HERC2: variants seen among roughly 807,000 people sequenced by gnomAD.
HERC2 encodes HECT and RLD domain containing E3 ubiquitin protein ligase 2, also known as E3 ubiquitin-protein ligase HERC2.
A neutral mutation model predicts 537.7 loss-of-function variants in HERC2; 102 were observed. That is an observed-to-expected ratio of 0.19 (90% confidence interval 0.16 to 0.22). HERC2 has a LOEUF of 0.22. HERC2 is among the 10% of genes least tolerant of loss of function. The pLI is 1.00. For synonymous variants in HERC2, 2,224 were observed against 2,466.2 expected (o/e 0.90, Z 2.91); for missense variants, 4,236 against 6,198.2 (o/e 0.68, Z 10.63).
In HERC2 at chr15:28,112,058, G is replaced by A. The variant is rs1321349802; in HGVS notation, c.14233-23C>T. ...CACCTGTTGAGCAGAAACATGAAGT[G>A]ATTAGAAATTGAGTACGGCTGCAGT... On this transcript the variant is annotated intron_variant, in intron 92 of 92. Transcript: ENST00000261609. 53 of 1,608,268 alleles carry A rather than the reference G, an allele frequency of 3.3e-5. No individual in the cohort carries two copies. The Admixed American group carries it at 7.0e-4, about 21-fold the overall frequency.
At chr15:28,245,438 T>G (rs1903561748) in intron 23 of HERC2, among the ~76,000 whole-genome samples, 2 of 151,574 alleles carry the variant, frequency 1.3e-5, no homozygotes, top group Non-Finnish European at 2.9e-5. Flanking sequence ...TGCCAGCTAC[T>G]CAGGAGGCTG....
In HERC2 at chr15:28,122,694, C is replaced by T. The variant is rs965247438; in HGVS notation, c.13189-1265G>A. ...AGTAGTAACACCCACTCTCTGAGGC[C>T]GATCCTCACCATAACCAGGACCAGA... is the stretch of plus-strand genomic sequence containing the variant. On this transcript the variant is annotated intron_variant, in intron 85 of 92. Transcript: ENST00000261609. The surrounding 1 kb of genome is among the most constrained non-coding windows in gnomAD (Gnocchi z 4.1). Among the ~76,000 whole-genome samples the T allele has an allele frequency of 3.9e-5, 6 of 152,244 alleles. No homozygotes were observed. Among genetic ancestry groups the T allele is most frequent in the African/African-American group, 1.2e-4 (5 of 41,546 alleles).
chr15:28,212,886 T>C, intron 42 of HERC2: 1 of 572,666 alleles, frequency 1.7e-6, no homozygotes, highest in Non-Finnish European at 2.2e-6. Context: ...CGTGTATATA[T>C]TCCTATAATA....
At chr15:28,198,320 G>A (rs1897548520) in intron 50 of HERC2, 58 bp downstream of exon 50, 5 of 1,557,012 alleles carry the variant, frequency 3.2e-6, no homozygotes, top group Middle Eastern at 2.3e-4. Flanking sequence ...GAAATACTAA[G>A]TACACATGCG....
chr15:28,137,722 T>C (rs1890793919), intron 78 of HERC2, among the ~76,000 whole-genome samples: 2 of 152,168 alleles, frequency 1.3e-5, no homozygotes, highest in Admixed American at 1.3e-4. Flanking sequence ...GAGACACAAC[T>C]TATTGAAATA....
intron 2 of HERC2, among the ~76,000 whole-genome samples, chr15:28,309,239 G>C (rs1325379615): frequency 1.3e-5 from 2 of 152,218 alleles, no homozygotes; most frequent in Non-Finnish European, 2.9e-5. Context: ...GATCTGATCT[G>C]TCCAATGCTG....
intron 74 of HERC2, 82 bp from the exon 75 acceptor site, chr15:28,143,034 T>TTATTA: frequency 7.1e-7 from 1 of 1,404,368 alleles, no homozygotes; most frequent in Non-Finnish European, 9.8e-7. Context: ...GTCAAATGTT[T>TTATTA]TATTATGTTG....
In HERC2 at chr15:28,215,892, A is replaced by G. The variant is rs544978978; in HGVS notation, c.6029-90T>C. ...CCTTATTTTTTTATCAACTTATTTT[A>G]TTTTTCTAAAATAAGCTCCTTTACA... On this transcript the variant is annotated intron_variant, in intron 38 of 92. Transcript: ENST00000261609. 377 of 953,116 alleles carry G rather than the reference A, an allele frequency of 4.0e-4. 1 individual carries two copies. The highest frequency in any genetic ancestry group is 7.7e-4 in the Admixed American group (26 of 33,960). The allele number at this position is 953,116 out of a possible 1,614,324, so 59.0% of individuals were successfully genotyped here.
chr15:28,313,241 T>C (rs1876123143), intron 2 of HERC2, among the ~76,000 whole-genome samples: 1 of 149,634 alleles, frequency 6.7e-6, no homozygotes, highest in South Asian at 2.1e-4. Context: ...TCGCCCAGGC[T>C]GGAGTGCAGT....
At chr15:28,178,032 T>C (rs1276498052) in intron 59 of HERC2, among the ~76,000 whole-genome samples, 1 of 152,224 alleles carries the variant, frequency 6.6e-6, no homozygotes, top group Non-Finnish European at 1.5e-5. Context: ...TGACCACTCC[T>C]ATACAGTGAG....
intron 44 of HERC2, among the ~76,000 whole-genome samples, chr15:28,207,283 C>T (rs113579135): frequency 7.2e-5 from 11 of 152,138 alleles, no homozygotes; most frequent in Admixed American, 1.3e-4. Flanking sequence ...TACAGGCACA[C>T]GCCACCACGC....
chr15:28,320,995 T>C (rs1370073061), intron 2 of HERC2, among the ~76,000 whole-genome samples: 1 of 151,718 alleles, frequency 6.6e-6, no homozygotes, highest in Non-Finnish European at 1.5e-5. Context: ...AACTTACTTC[T>C]CCAATTTTCC....
At position 28,121,409 on chromosome 15, in the gene HERC2, T is replaced by C; in HGVS notation, c.13209A>G (p.Val4403=). The C allele has an allele frequency of 6.2e-7, 1 of 1,614,230 alleles. No homozygotes were observed. The highest frequency in any genetic ancestry group is 1.1e-5 in the South Asian group (1 of 91,092). ...SQGKEAAFRK[V]VQATMVRDRQ... is the part of the protein sequence containing the mutation. Reference sequence around the variant, plus strand: ...GATCGCGTACCATAGTTGCTTGTACTACTTTCCGGAAAGCCGCCTCCTAAA... The same window carrying C: ...GATCGCGTACCATAGTTGCTTGTACCACTTTCCGGAAAGCCGCCTCCTAAA... The change falls in exon 86 of 93, where the codon GTA becomes GTG. Residue 4403 remains valine, a synonymous_variant. Coordinates refer to ENST00000261609, the MANE Select transcript of HERC2 (RefSeq NM_004667.6).
chr15:28,201,789 T>C (rs1567005619), intron 47 of HERC2, among the ~76,000 whole-genome samples: 1 of 152,246 alleles, frequency 6.6e-6, no homozygotes, highest in Non-Finnish European at 1.5e-5. Flanking sequence ...ATCCTACGAA[T>C]AATTTACTCA....
intron 79 of HERC2, 68 bp from the exon 80 acceptor site, chr15:28,132,898 T>A: frequency 8.1e-7 from 1 of 1,230,742 alleles, no homozygotes; most frequent in Non-Finnish European, 1.1e-6. Context: ...GTGTATTAAA[T>A]ACCTCTCAAT....
In HERC2 at chr15:28,268,246, CAAG is replaced by C. The variant is rs1353771337; in HGVS notation, c.1598+216_1598+218del. On this transcript the variant is annotated intron_variant, in intron 12 of 92. Coordinates refer to ENST00000261609, the MANE Select transcript of HERC2 (RefSeq NM_004667.6). The surrounding 1 kb of genome is among the most constrained non-coding windows in gnomAD (Gnocchi z 4.7). ...AAGGCTGGCCAAGGCTGCACGGGGT[CAAG>C]AAGAACAGAAAGGCCAATTCCCGTT... is the stretch of plus-strand genomic sequence containing the variant. Among the ~76,000 whole-genome samples, 1 of 152,110 alleles carries C rather than the reference CAAG, an allele frequency of 6.6e-6. No homozygotes were observed. The highest frequency in any genetic ancestry group is 2.4e-5 in the African/African-American group (1 of 41,396).
chr15:28,173,386 TA>T (rs1156793854), intron 65 of HERC2, among the ~76,000 whole-genome samples: 5 of 152,268 alleles, frequency 3.3e-5, no homozygotes, highest in South Asian at 4.2e-4. Flanking sequence ...TTCAACAATT[TA>T]AAAAGAATAA....
At chr15:28,309,520 T>TC (rs990988592) in intron 2 of HERC2, among the ~76,000 whole-genome samples, 10 of 152,044 alleles carry the variant, frequency 6.6e-5, no homozygotes, top group African/African-American at 2.2e-4. Flanking sequence ...CCTTTTTCCA[T>TC]CCCCCCGCAC....
chr15:28,113,826 A>AG lies in HERC2; in HGVS notation c.13914-149dup. Reference sequence around the variant, plus strand: ...AGCTCCAGATGGCATGAGCATGCTTAGCAGCTCGGCACTGCAGAGCTTCTC... The same window carrying AG: ...AGCTCCAGATGGCATGAGCATGCTTAGGCAGCTCGGCACTGCAGAGCTTCTC... On this transcript the variant is annotated intron_variant, in intron 90 of 92. Transcript: ENST00000261609. This position sits in a 1 kb window ranked among gnomAD's most constrained non-coding sequence, Gnocchi z 7.0. 1.5e-6 allele frequency: 1 copy of AG among 669,960 alleles called. No individual in the cohort carries two copies. Among genetic ancestry groups the AG allele is most frequent in the South Asian group, 1.7e-5 (1 of 57,910 alleles). 41.5% of individuals were successfully genotyped at this position (669,960 alleles called of 1,614,324 possible).
Sources: allele counts gnomAD v4.1 joint callset (sites outside exome capture counted in the v4.1 genomes callset), GRCh38; gene constraint gnomAD v4.1.1; non-coding constraint Gnocchi (gnomAD v3.1); transcripts MANE v1.5; gene names NCBI Gene and HGNC (gene_info 2026-07-23, HGNC 2026-07-21).